The following NIPA1 variants were observed in gnomAD, a reference collection of about 807,000 sequenced individuals.
NIPA1 encodes NIPA magnesium transporter 1.
Under a neutral mutation model 23.9 loss-of-function variants are expected in NIPA1, and 13 were observed. The ratio of observed to expected loss-of-function variants is 0.54; its 90% CI spans 0.35 to 0.87. NIPA1 has a LOEUF of 0.87. Among genes scored for constraint, NIPA1 ranks in the 40% least tolerant of loss-of-function variants. The pLI is 0.01. For synonymous variants in NIPA1, 234 were observed against 202.9 expected, an observed-to-expected ratio of 1.15 and a Z score of -1.30; for missense variants, 362 against 429.7, an observed-to-expected ratio of 0.84 and a Z score of 1.39.
At chr15:22,809,136 C>T (rs1895270751) in intron 1 of NIPA1, among the ~76,000 whole-genome samples, 1 of 152,076 alleles carries the variant, frequency 6.6e-6, no homozygotes, top group African/African-American at 2.4e-5. Flanking sequence ...CCTGTAATCA[C>T]AGCACTTTGG....
Position 22,824,173 on chromosome 15 carries a change from A to T in NIPA1, c.924A>T (p.Ile308=). The change falls in exon 5 of 5, where the codon ATA becomes ATT. Residue 308 remains isoleucine (I), a synonymous_variant. Transcript: ENST00000337435. The surrounding 1 kb of genome is among the most constrained non-coding windows in gnomAD (Gnocchi z 4.1). ...CCGTCTCCGTGGGGATTGTCCTTAT[A>T]CAGGTGTTCAAAGAGTTCAATTTCA... ...FTTVSVGIVL[I]QVFKEFNFNL... is the part of the protein sequence containing the mutation. The T allele has an allele frequency of 1.2e-6, 2 of 1,613,482 alleles. No individual in the cohort carries two copies. Among genetic ancestry groups the T allele is most frequent in the Non-Finnish European group, 1.7e-6 (2 of 1,179,348 alleles).
chr15:22,788,498 C>CAAAAAAAAAAACAAAAAAAA (rs1894759428), intron 1 of NIPA1, among the ~76,000 whole-genome samples: 1 of 89,588 alleles, frequency 1.1e-5, no homozygotes, highest in Non-Finnish European at 2.3e-5. Context: ...GACTCCATCT[C>CAAAAAAAAAAACAAAAAAAA]AAAAAAAAAA....
chr15:22,803,503 CTTTTTTTTTT>C (rs35223839), intron 1 of NIPA1, among the ~76,000 whole-genome samples: 1 of 69,362 alleles, frequency 1.4e-5, no homozygotes, highest in South Asian at 6.5e-4. Flanking sequence ...TTAAAAGTGC[CTTTTTTTTTT>C]TTTTTTTTTT....
Position 22,825,024 on chromosome 15 carries a change from T to C in NIPA1, c.*785T>C, listed in dbSNP as rs1895620860. The C allele has an allele frequency of 6.6e-6, 1 of 152,582 alleles. No individual in the cohort carries two copies. The highest frequency in any genetic ancestry group is 2.4e-5 in the African/African-American group (1 of 41,446). The allele number at this position is 152,582 out of a possible 1,614,324, so 9.5% of individuals were successfully genotyped here. ...TCAAGTTACAAATGTATAAGGCAGT[T>C]AGAAATAATACAGTCACATGTCACT... On this transcript the variant is annotated 3_prime_UTR_variant, in exon 5 of 5. Coordinates refer to ENST00000337435, the MANE Select transcript of NIPA1 (RefSeq NM_144599.5).
chr15:22,824,348 G>A lies in NIPA1; in HGVS notation c.*109G>A. 1 of 1,001,912 alleles carries A rather than the reference G, an allele frequency of 1.0e-6. No homozygotes were observed. 62.1% of individuals were successfully genotyped at this position (1,001,912 alleles called of 1,614,324 possible). A position where few individuals can be genotyped will look rare whatever the true frequency, so the allele number is the denominator to read the frequency against. ...CTCGATCATGGTGTTAGAATTGACTGGATAGTAACAGGTGGTCTGGTGGAT... is the reference window on the plus strand; with the variant it reads ...CTCGATCATGGTGTTAGAATTGACTAGATAGTAACAGGTGGTCTGGTGGAT... On this transcript the variant is annotated 3_prime_UTR_variant, in exon 5 of 5. Coordinates refer to ENST00000337435, the MANE Select transcript of NIPA1 (RefSeq NM_144599.5). This position sits in a 1 kb window ranked among gnomAD's most constrained non-coding sequence, Gnocchi z 4.1.
intron 1 of NIPA1, among the ~76,000 whole-genome samples, chr15:22,806,451 G>A (rs537745412): frequency 6.6e-6 from 1 of 152,308 alleles, no homozygotes; most frequent in South Asian, 2.1e-4. Flanking sequence ...GGAACTTAGC[G>A]ATCATATCCT....
chr15:22,788,371 C>G (rs1894756902), intron 1 of NIPA1, among the ~76,000 whole-genome samples: 1 of 151,686 alleles, frequency 6.6e-6, no homozygotes, highest in Non-Finnish European at 1.5e-5. Flanking sequence ...TGTGGTGGCA[C>G]GCACCTGTAG....
chr15:22,808,679 C>CTTTTTTTTTTTTTTTTTTTTTTTTATTT (rs59983551), intron 1 of NIPA1, among the ~76,000 whole-genome samples: 1 of 128,338 alleles, frequency 7.8e-6, no homozygotes. Flanking sequence ...TAGCAATATT[C>CTTTTTTTTTTTTTTTTTTTTTTTTATTT]TTTTTTTTGA....
chr15:22,796,712 TC>T (rs1196654894), intron 1 of NIPA1, among the ~76,000 whole-genome samples: 1 of 152,184 alleles, frequency 6.6e-6, no homozygotes, highest in East Asian at 1.9e-4. Context: ...AGTCTCACAC[TC>T]CTACTCTGCA....
At chr15:22,802,919 C>G (rs1204537521) in intron 1 of NIPA1, among the ~76,000 whole-genome samples, 1 of 151,970 alleles carries the variant, frequency 6.6e-6, no homozygotes, top group East Asian at 1.9e-4. Context: ...TTTGAGTATA[C>G]CAGTTTACAT....
Position 22,820,466 on chromosome 15 carries a change from C to T in NIPA1, c.471C>T (p.Thr157=). The T allele has an allele frequency of 5.6e-6, 9 of 1,613,110 alleles. No individual in the cohort carries two copies. The highest frequency in any genetic ancestry group is 7.6e-6 in the Non-Finnish European group (9 of 1,179,108). The change falls in exon 4 of 5, where the codon ACC becomes ACT. Residue 157 remains threonine (T), a synonymous_variant. Transcript: ENST00000337435. ...AGGCTGAGCTGGAGGAAAAGCTGAC[C>T]AATCCAGGTAATTCCTTTCTAGCAG... ...TTQAELEEKL[T]NPVFVGYLCI...
rs556203944 is a variant in NIPA1, at chr15:22,825,561, A to G, written c.*1322A>G. ...TCTTTATCAGCAAGCATTCATGGCC[A>G]TTCAGAAGAAATAAATTAGGTAACT... is the stretch of plus-strand genomic sequence containing the variant. On this transcript the variant is annotated 3_prime_UTR_variant, in exon 5 of 5. Coordinates refer to ENST00000337435, the MANE Select transcript of NIPA1 (RefSeq NM_144599.5). 6.6e-6 allele frequency: 1 copy of G among 152,350 alleles called. No homozygotes were observed. Among genetic ancestry groups the G allele is most frequent in the East Asian group, 1.9e-4 (1 of 5,190 alleles). The allele number at this position is 152,350 out of a possible 1,614,324, so 9.4% of individuals were successfully genotyped here. A position where few individuals can be genotyped will look rare whatever the true frequency, so the allele number is the denominator to read the frequency against.
chr15:22,818,155 C>CT (rs1374854891), intron 3 of NIPA1, among the ~76,000 whole-genome samples: 5 of 152,122 alleles, frequency 3.3e-5, no homozygotes, highest in African/African-American at 1.2e-4. Flanking sequence ...CATAAAAACT[C>CT]TTGCCGGTCG....
chr15:22,804,338 G>A (rs1307692668), intron 1 of NIPA1, among the ~76,000 whole-genome samples: 1 of 149,720 alleles, frequency 6.7e-6, no homozygotes, highest in East Asian at 2.0e-4. Context: ...GGCCAGGCTG[G>A]TCTTGAACTC....
chr15:22,811,032 G>A, intron 2 of NIPA1: 2 of 561,142 alleles, frequency 3.6e-6, no homozygotes, highest in Non-Finnish European at 6.4e-6. Flanking sequence ...TTAGGAGCTG[G>A]TGGAGGCCCC....
intron 1 of NIPA1, among the ~76,000 whole-genome samples, chr15:22,806,062 T>C (rs1018232304): frequency 6.6e-6 from 1 of 152,134 alleles, no homozygotes; most frequent in Non-Finnish European, 1.5e-5. Context: ...TAGCTGGGAC[T>C]ACAGGCGCCC....
At position 22,798,391 on chromosome 15, in the gene NIPA1, C is replaced by T. The variant is rs568435002; in HGVS notation, c.178+11557C>T. Among the ~76,000 whole-genome samples the T allele has an allele frequency of 2.2e-4, 33 of 149,756 alleles. No homozygotes were observed. In the South Asian group the frequency reaches 6.8e-3, roughly 31 times the overall value. ...AGTAGCTGGGACTACAGGCGCCCGCCACCATGCCCAGCTAATTTTTTGTAT... is the reference window on the plus strand; with the variant it reads ...AGTAGCTGGGACTACAGGCGCCCGCTACCATGCCCAGCTAATTTTTTGTAT... On this transcript the variant is annotated intron_variant, in intron 1 of 4. Transcript: ENST00000337435.
intron 1 of NIPA1, among the ~76,000 whole-genome samples, chr15:22,798,862 A>AAAAC (rs1895002766): frequency 3.7e-5 from 5 of 135,826 alleles, no homozygotes; most frequent in Admixed American, 1.5e-4. Flanking sequence ...AAAAAAAAAA[A>AAAAC]CCTCTTTATT....
At chr15:22,809,816 G>C (rs1895284022) in intron 1 of NIPA1, among the ~76,000 whole-genome samples, 1 of 151,930 alleles carries the variant, frequency 6.6e-6, no homozygotes, top group Admixed American at 6.6e-5. Flanking sequence ...GAGGTGGGCG[G>C]ATCACCTGAG....
Sources: allele counts gnomAD v4.1 joint callset (sites outside exome capture counted in the v4.1 genomes callset), GRCh38; gene constraint gnomAD v4.1.1; non-coding constraint Gnocchi (gnomAD v3.1); transcripts MANE v1.5; gene names NCBI Gene and HGNC (gene_info 2026-07-23, HGNC 2026-07-21).